The following OR14A2 variants were observed in gnomAD, a reference collection of about 807,000 sequenced individuals.
The protein encoded by OR14A2 is olfactory receptor family 14 subfamily A member 2.
For missense variants in OR14A2, 237 were observed against 152.9 expected (o/e 1.55, Z -2.90); for synonymous variants, 114 against 58.6 (o/e 1.95, Z -4.32).
chr1:247,724,966 T>C (rs1660301278), upstream of OR14A2, among the ~76,000 whole-genome samples: 2 of 151,804 alleles, frequency 1.3e-5, no homozygotes, highest in Admixed American at 1.3e-4. Flanking sequence ...ATTGAAAAGA[T>C]CAAAAAAATG....
At chr1:247,740,776 A>G in the OR14A2 span, among the ~76,000 whole-genome samples, 7,200 of 152,296 alleles carry the variant, frequency 0.047, 453 homozygotes, top group African/African-American at 0.15. Context: ...AGAGATGGAA[A>G]TTAACATTTG....
chr1:247,748,128 T>A, the OR14A2 span, among the ~76,000 whole-genome samples: 2 of 152,162 alleles, frequency 1.3e-5, no homozygotes, highest in African/African-American at 4.8e-5. Flanking sequence ...GTAATATAAC[T>A]GATATTTCTA....
chr1:247,723,651 C>G, exon 1 of OR14A2: 1 of 718,500 alleles, frequency 1.4e-6, no homozygotes, highest in East Asian at 2.7e-5. Flanking sequence ...TCATGATTAC[C>G]TCGTAGTTCA....
At chr1:247,736,034 A>AG in the OR14A2 span, among the ~76,000 whole-genome samples, 1 of 151,690 alleles carries the variant, frequency 6.6e-6, no homozygotes, top group East Asian at 1.9e-4. Flanking sequence ...ATCTTACTCG[A>AG]GAATGGAAAC....
the OR14A2 span, among the ~76,000 whole-genome samples, chr1:247,732,112 C>G: frequency 6.6e-6 from 1 of 152,054 alleles, no homozygotes; most frequent in Non-Finnish European, 1.5e-5. Flanking sequence ...TCTTTCTGTG[C>G]ATGTGTGATT....
At chr1:247,739,067 G>A in the OR14A2 span, 1 of 780,636 alleles carries the variant, frequency 1.3e-6, no homozygotes, top group Admixed American at 1.7e-5. Context: ...TCAACAGAGG[G>A]GCCTTGGGAC....
the OR14A2 span, among the ~76,000 whole-genome samples, chr1:247,747,462 T>C: frequency 1.3e-5 from 2 of 151,296 alleles, no homozygotes; most frequent in South Asian, 4.2e-4. Flanking sequence ...CCCAGGTTCA[T>C]GCGATTCTCC....
the OR14A2 span, among the ~76,000 whole-genome samples, chr1:247,737,562 C>A: frequency 6.6e-6 from 1 of 152,234 alleles, no homozygotes. Flanking sequence ...AGAATAAAAC[C>A]TAGAGCAGTG....
At chr1:247,730,154 G>A in the OR14A2 span, among the ~76,000 whole-genome samples, 46 of 152,018 alleles carry the variant, frequency 3.0e-4, no homozygotes, top group African/African-American at 1.1e-3. Context: ...TACACTTCAG[G>A]GTATTATATA....
upstream of OR14A2, among the ~76,000 whole-genome samples, chr1:247,727,562 T>C (rs1327602283): frequency 6.7e-6 from 1 of 149,862 alleles, no homozygotes; most frequent in Non-Finnish European, 1.5e-5. Context: ...AGGTAAGAAA[T>C]AACTAAAATC....
chr1:247,729,090 G>A, the OR14A2 span, among the ~76,000 whole-genome samples: 8 of 152,038 alleles, frequency 5.3e-5, no homozygotes, highest in Non-Finnish European at 7.4e-5. Flanking sequence ...ATTTGTAAAC[G>A]TCTATAGTCA....
chr1:247,728,668 G>A (rs927374479), upstream of OR14A2, among the ~76,000 whole-genome samples: 2 of 152,100 alleles, frequency 1.3e-5, no homozygotes, highest in African/African-American at 4.8e-5. Context: ...TGTATATCTG[G>A]AATAGCTACA....
upstream of OR14A2, among the ~76,000 whole-genome samples, chr1:247,724,749 A>G (rs1429745108): frequency 6.6e-6 from 1 of 152,138 alleles, no homozygotes; most frequent in Non-Finnish European, 1.5e-5. Context: ...TACTAAAGCC[A>G]CATCATTATA....
the OR14A2 span, among the ~76,000 whole-genome samples, chr1:247,741,240 T>TA: frequency 6.6e-6 from 1 of 152,244 alleles, no homozygotes; most frequent in Non-Finnish European, 1.5e-5. Flanking sequence ...AATATATTTT[T>TA]AAAATTTGTT....
chr1:247,728,424 C>T (rs1413913304), upstream of OR14A2, among the ~76,000 whole-genome samples: 1 of 151,922 alleles, frequency 6.6e-6, no homozygotes, highest in African/African-American at 2.4e-5. Flanking sequence ...GGACGTATTT[C>T]AAAATAATAA....
chr1:247,743,936 A>G, the OR14A2 span, among the ~76,000 whole-genome samples: 3 of 152,160 alleles, frequency 2.0e-5, no homozygotes, highest in South Asian at 6.2e-4. Context: ...AAAGCTTTAT[A>G]TTTTACCATT....
At chr1:247,744,661 G>A in the OR14A2 span, among the ~76,000 whole-genome samples, 1 of 152,052 alleles carries the variant, frequency 6.6e-6, no homozygotes, top group Non-Finnish European at 1.5e-5. The surrounding 1 kb of genome is among the most constrained non-coding windows in gnomAD (Gnocchi z 4.3). Context: ...TTATTCCCAT[G>A]TATCTTGATG....
the OR14A2 span, among the ~76,000 whole-genome samples, chr1:247,734,594 TACTC>T: frequency 6.6e-6 from 1 of 152,218 alleles, no homozygotes; most frequent in Non-Finnish European, 1.5e-5. Flanking sequence ...TTGCTCAAAA[TACTC>T]AATGTTGCTA....
At chr1:247,743,694 G>A in the OR14A2 span, among the ~76,000 whole-genome samples, 1 of 152,012 alleles carries the variant, frequency 6.6e-6, no homozygotes, top group Admixed American at 6.6e-5. Context: ...ATTTATAGGA[G>A]TTTTTAAAAA....
Sources: gnomAD v4.1 joint callset for allele counts (sites outside exome capture counted in the v4.1 genomes callset) on GRCh38, gnomAD v4.1.1 for gene constraint, Gnocchi (gnomAD v3.1) non-coding constraint, MANE v1.5 for transcripts, NCBI Gene and HGNC (gene_info 2026-07-23, HGNC 2026-07-21) for gene names.